NPSR1: variants seen among roughly 807,000 people sequenced by gnomAD.
NPSR1 encodes neuropeptide S receptor 1.
In NPSR1, 48 loss-of-function variants were observed where a neutral mutation model predicts 46.9. The observed-to-expected ratio is 1.02, with a 90% CI of 0.81 to 1.30. The LOEUF (loss-of-function observed/expected upper bound fraction) is 1.30, where lower values mean the gene tolerates loss of function less well. Among genes scored for constraint, NPSR1 ranks in the 50% most tolerant of loss-of-function variants. The pLI is 0.00. For missense variants in NPSR1, 450 were observed against 449.5 expected (o/e 1.00, Z -0.01); for synonymous variants, 176 against 168.1 (o/e 1.05, Z -0.36).
At chr7:34,841,318 G>C (rs931880142) in intron 6 of NPSR1, among the ~76,000 whole-genome samples, 2 of 152,216 alleles carry the variant, frequency 1.3e-5, no homozygotes, top group African/African-American at 4.8e-5. Context: ...TGGGTTCCCA[G>C]TGGCTCTGTA....
intron 1 of NPSR1, among the ~76,000 whole-genome samples, chr7:34,660,777 A>G (rs11761197): frequency 0.17 from 25,560 of 151,996 alleles, 3,011 homozygotes; most frequent in African/African-American, 0.33. Context: ...TTCCATCTTC[A>G]TCTGTTTATC....
intron 2 of NPSR1, among the ~76,000 whole-genome samples, chr7:34,731,259 A>G (rs1784404715): frequency 6.6e-6 from 1 of 152,174 alleles, no homozygotes; most frequent in Non-Finnish European, 1.5e-5. Context: ...TAAATACTTA[A>G]TACAAGAATA....
At chr7:34,670,972 T>C (rs1045473486) in intron 1 of NPSR1, among the ~76,000 whole-genome samples, 8 of 152,180 alleles carry the variant, frequency 5.3e-5, no homozygotes, top group African/African-American at 1.9e-4. Flanking sequence ...ATTCAGGCAC[T>C]GCTTAGTAAT....
At chr7:34,817,893 A>C (rs539043039) in intron 4 of NPSR1, among the ~76,000 whole-genome samples, 1 of 152,206 alleles carries the variant, frequency 6.6e-6, no homozygotes, top group Non-Finnish European at 1.5e-5. Flanking sequence ...ACTGTCAATA[A>C]ACTAGGTATT....
chr7:34,843,100 C>T (rs555606524), intron 6 of NPSR1, among the ~76,000 whole-genome samples: 1 of 152,348 alleles, frequency 6.6e-6, no homozygotes, highest in Non-Finnish European at 1.5e-5. Context: ...TCCCACACAG[C>T]CTCCCCAGCA....
rs550957409 is a variant in NPSR1 at position 34,860,228 on chromosome 7, C to T, written c.1025+11565C>T. Among the ~76,000 whole-genome samples, 10 of 151,828 alleles carry T rather than the reference C, an allele frequency of 6.6e-5. No homozygotes were observed. In the South Asian group the frequency reaches 2.1e-3, roughly 31 times the overall value. On this transcript the variant is annotated intron_variant, in intron 8 of 8. Transcript: ENST00000359791. ...CACCTCTGCAGAGGTGTTTTGAGGG[C>T]TATACCCACATGCTGATGTGATACC...
chr7:34,833,065 G>A (rs1367113052), intron 5 of NPSR1, among the ~76,000 whole-genome samples: 5 of 152,206 alleles, frequency 3.3e-5, no homozygotes, highest in Non-Finnish European at 7.3e-5. Context: ...GCAAGAATGG[G>A]AAAAGGCAGT....
chr7:34,709,850 T>A (rs1339538553), intron 2 of NPSR1, among the ~76,000 whole-genome samples: 1 of 151,934 alleles, frequency 6.6e-6, no homozygotes, highest in Non-Finnish European at 1.5e-5. Context: ...TATGACAGAA[T>A]ATCCACCAAA....
At chr7:34,785,830 T>A (rs909640962) in intron 3 of NPSR1, among the ~76,000 whole-genome samples, 2 of 152,150 alleles carry the variant, frequency 1.3e-5, no homozygotes, top group African/African-American at 4.8e-5. Context: ...CTTTTAAATG[T>A]GTGATAATAT....
At chr7:34,713,464 T>C (rs1016235135) in intron 2 of NPSR1, among the ~76,000 whole-genome samples, 4 of 151,834 alleles carry the variant, frequency 2.6e-5, no homozygotes, top group Admixed American at 2.6e-4. Flanking sequence ...CATGTATTAT[T>C]TATAAATAAT....
At chr7:34,745,656 C>T (rs1407115310) in intron 2 of NPSR1, among the ~76,000 whole-genome samples, 1 of 152,126 alleles carries the variant, frequency 6.6e-6, no homozygotes, top group Admixed American at 6.5e-5. Context: ...GTAGCTGGAA[C>T]TATAGGTGTG....
chr7:34,726,238 G>A (rs907873812), intron 2 of NPSR1, among the ~76,000 whole-genome samples: 36 of 152,244 alleles, frequency 2.4e-4, no homozygotes, highest in Non-Finnish European at 4.9e-4. Flanking sequence ...ATACACAGAT[G>A]GCAAATGAAC....
At chr7:34,784,635 C>T (rs1387114562) in intron 3 of NPSR1, among the ~76,000 whole-genome samples, 1 of 152,066 alleles carries the variant, frequency 6.6e-6, no homozygotes, top group Non-Finnish European at 1.5e-5. Flanking sequence ...GGATATTGGT[C>T]TAAAATTCTC....
chr7:34,765,720 C>T (rs565298991), intron 2 of NPSR1, among the ~76,000 whole-genome samples: 3 of 152,156 alleles, frequency 2.0e-5, no homozygotes, highest in East Asian at 1.9e-4. Flanking sequence ...ACTATGCAGT[C>T]GTAGAAAAGA....
At chr7:34,853,744 T>A (rs1434139937), downstream of NPSR1, among the ~76,000 whole-genome samples, 1 of 152,124 alleles carries the variant, frequency 6.6e-6, no homozygotes, top group Non-Finnish European at 1.5e-5. Flanking sequence ...GCGGATCACC[T>A]GAGTTCGAAC....
At chr7:34,710,854 G>A (rs1783245622) in intron 2 of NPSR1, 4 of 485,286 alleles carry the variant, frequency 8.2e-6, no homozygotes, top group Non-Finnish European at 1.5e-5. Context: ...AAGCACCTGA[G>A]AAACAAGTTT....
intron 3 of NPSR1, among the ~76,000 whole-genome samples, chr7:34,792,641 G>GTATA (rs370959303): frequency 7.4e-5 from 6 of 81,116 alleles, no homozygotes; most frequent in African/African-American, 2.1e-4. Flanking sequence ...GTGTGTATGT[G>GTATA]TATATATATA....
At chr7:34,822,737 G>A (rs992364673) in intron 4 of NPSR1, among the ~76,000 whole-genome samples, 2 of 151,966 alleles carry the variant, frequency 1.3e-5, no homozygotes, top group Non-Finnish European at 2.9e-5. Flanking sequence ...ACCCACCATA[G>A]CTAATAACAA....
At chr7:34,729,886 C>T (rs1184079042) in intron 2 of NPSR1, among the ~76,000 whole-genome samples, 1 of 152,182 alleles carries the variant, frequency 6.6e-6, no homozygotes, top group Non-Finnish European at 1.5e-5. Flanking sequence ...GATTCTTCTG[C>T]CTCAGACTCC....
Sources: allele counts gnomAD v4.1 joint callset (sites outside exome capture counted in the v4.1 genomes callset), GRCh38; gene constraint gnomAD v4.1.1; transcripts MANE v1.5; gene names NCBI Gene and HGNC (gene_info 2026-07-23, HGNC 2026-07-21).